The following CPSF1 variants were observed in gnomAD, a reference collection of about 807,000 sequenced individuals.
CPSF1 encodes the protein cleavage and polyadenylation specificity factor subunit 1.
Under a neutral mutation model 175.8 loss-of-function variants are expected in CPSF1, and 106 were observed. The observed-to-expected ratio is 0.60, with a 90% CI of 0.52 to 0.71. CPSF1 has a LOEUF of 0.71. CPSF1 is among the 30% of genes least tolerant of loss of function. The pLI, the probability that CPSF1 is intolerant of heterozygous loss-of-function variation, is 0.00. For missense variants in CPSF1, 1,734 were observed against 2,022.9 expected, an observed-to-expected ratio of 0.86 and a Z score of 2.74; for synonymous variants, 1,024 against 858.3, an observed-to-expected ratio of 1.19 and a Z score of -3.37.
At chr8:144,396,983 G>T (rs946479430) in intron 23 of CPSF1, 54 bp from the exon 24 acceptor site, 19 of 1,361,178 alleles carry the variant, frequency 1.4e-5, no homozygotes, top group Admixed American at 1.8e-5. Flanking sequence ...GAGAACATGG[G>T]ATGGGCCATG....
Position 144,394,984 on chromosome 8 carries a change from C to T in CPSF1, c.3312G>A (p.Lys1104=), listed in dbSNP as rs1554863120. 2 of 1,612,674 alleles carry T rather than the reference C, an allele frequency of 1.2e-6. No individual in the cohort carries two copies. The highest frequency in any genetic ancestry group is 1.1e-5 in the South Asian group (1 of 91,076). ...LQEWEHVTCM[K]TVSLRSEETV... is the part of the protein sequence containing the mutation. Reference sequence around the variant, plus strand: ...TCTCCTCACTGCGCAGAGACACTGTCTTCATGCAGGTCACATGCTCCCACT... The same window carrying T: ...TCTCCTCACTGCGCAGAGACACTGTTTTCATGCAGGTCACATGCTCCCACT... Residue 1104 remains lysine, a synonymous_variant, in exon 30 of 38, where the codon AAG becomes AAA. Coordinates refer to ENST00000616140, the MANE Select transcript of CPSF1 (RefSeq NM_013291.3).
chr8:144,393,834 G>A (rs561854368), intron 35 of CPSF1, 38 bp from the exon 36 acceptor site: 1 of 1,600,658 alleles, frequency 6.2e-7, no homozygotes, highest in Middle Eastern at 1.7e-4. Context: ...TGTGAGCCAG[G>A]CCAACCCTAG....
chr8:144,401,511 A>G lies in CPSF1; in HGVS notation c.225T>C (p.Phe75=). The change falls in exon 4 of 38, where the codon TTT becomes TTC. Residue 75 remains phenylalanine, a synonymous_variant. Coordinates refer to ENST00000616140, the MANE Select transcript of CPSF1 (RefSeq NM_013291.3). ...CGCTGGCCATGGACATGACGTTGCC[A>G]AAGAAGGAGAAGGAGGCAGCAAGCT... ...KLELAASFSF[F]GNVMSMASVQ... is the part of the protein sequence containing the mutation. The G allele has an allele frequency of 6.2e-7, 1 of 1,613,990 alleles. No individual in the cohort carries two copies. Among genetic ancestry groups the G allele is most frequent in the Admixed American group, 1.7e-5 (1 of 60,012 alleles).
At position 144,399,227 on chromosome 8, in the gene CPSF1, C is replaced by A. The variant is rs2116860588; in HGVS notation, c.1393-25G>T. The A allele has an allele frequency of 2.5e-6, 4 of 1,611,286 alleles. No homozygotes were observed. The highest frequency in any genetic ancestry group is 1.7e-5 in the Admixed American group (1 of 59,838). The stretch of plus-strand genomic sequence containing the variant: ...CCTGCGGCACAGCAAGAGTCAGGGG[C>A]CCGCTGGGGGCGCTGGCTGGGACGG... On this transcript the variant is annotated intron_variant, in intron 14 of 37. Transcript: ENST00000616140. This position sits in a 1 kb window ranked among gnomAD's most constrained non-coding sequence, Gnocchi z 6.4.
chr8:144,400,135 G>GCCCCCCCCCCCCCCCCCCCCCCCCCCC, intron 9 of CPSF1, 31 bp downstream of exon 9: 54 of 896,738 alleles, frequency 6.0e-5, no homozygotes, highest in Middle Eastern at 3.7e-4. Context: ...CCGTCCCCGG[G>GCCCCCCCCCCCCCCCCCCCCCCCCCCC]CCCCCCCCGC....
At position 144,394,971 on chromosome 8, in the gene CPSF1, G is replaced by A. The variant is rs1361970135; in HGVS notation, c.3325C>T (p.Arg1109Cys). The change falls in exon 30 of 38, where the codon CGC (arginine) becomes TGC (cysteine). Residue 1109 changes from arginine to cysteine, a missense_variant. Arg to Cys is a radical substitution (Grantham distance 180). This residue lies in a region of CPSF1 where 585 missense variants were observed against 584.7 expected (regional missense o/e 1.00). Transcript: ENST00000616140. ...HVTCMKTVSLRSEETVSGLKG... is the reference protein window; with the variant it reads ...HVTCMKTVSLCSEETVSGLKG... The stretch of plus-strand genomic sequence containing the variant: ...AGGCCCGACACGGTCTCCTCACTGC[G>A]CAGAGACACTGTCTTCATGCAGGTC... The A allele has an allele frequency of 4.3e-6, 7 of 1,612,774 alleles. No homozygotes were observed. The highest frequency in any genetic ancestry group is 5.9e-6 in the Non-Finnish European group (7 of 1,179,880).
intron 2 of CPSF1, among the ~76,000 whole-genome samples, chr8:144,406,910 CAG>C (rs1161862942): frequency 6.6e-6 from 1 of 152,152 alleles, no homozygotes; most frequent in Non-Finnish European, 1.5e-5. Context: ...AGAAGGTTAA[CAG>C]TGTATTACTA....
chr8:144,394,716 C>T lies in CPSF1; in HGVS notation c.3495G>A (p.Glu1165=). The change falls in exon 31 of 38, where the codon GAG becomes GAA. Residue 1165 remains glutamate (E), a synonymous_variant. Transcript: ENST00000616140. ...LTKNKFKVLY[E]KEQKGPVTAL... is the part of the protein sequence containing the mutation. ...CGGTCACGGGCCCCTTCTGCTCCTT[C>T]TCGTAAAGGACTTTGAACTTGTTCT... 6.2e-7 allele frequency: 1 copy of T among 1,613,464 alleles called. No individual in the cohort carries two copies. The highest frequency in any genetic ancestry group is 8.5e-7 in the Non-Finnish European group (1 of 1,179,924).
intron 2 of CPSF1, among the ~76,000 whole-genome samples, chr8:144,404,491 G>A (rs1413319567): frequency 2.7e-5 from 4 of 150,358 alleles, no homozygotes; most frequent in Admixed American, 6.6e-5. Flanking sequence ...TCAGCTTACC[G>A]AGTAGCTGGG....
At position 144,399,003 on chromosome 8, in the gene CPSF1, C is replaced by T; in HGVS notation, c.1503G>A (p.Val501=). 1 of 1,611,506 alleles carries T rather than the reference C, an allele frequency of 6.2e-7. No individual in the cohort carries two copies. Among genetic ancestry groups the T allele is most frequent in the Non-Finnish European group, 8.5e-7 (1 of 1,179,402 alleles). Residue 501 remains valine (V), a synonymous_variant, in exon 16 of 38, where the codon GTG becomes GTA. Transcript: ENST00000616140. The surrounding 1 kb of genome is among the most constrained non-coding windows in gnomAD (Gnocchi z 6.4). ...QNSPEPDLEI[V]VCSGHGKNGA... The stretch of plus-strand genomic sequence containing the variant: ...CGTTCTTCCCGTGGCCGGAGCAAAC[C>T]ACAATCTCCAGGTCCGGCTCGGGGC...
At position 144,397,789 on chromosome 8, in the gene CPSF1, CGA is replaced by C; in HGVS notation, c.2162_2163del (p.Leu721ArgfsTer16). ...ESRLGGARDE[L>X]GGRSGPEAEG... is the part of the protein sequence containing the mutation. ...TCGGCCTCCGGGCCACTGCGGCCCCCGAGCTCGTCACGGGCCCCACCCAGGCG... is the reference window on the plus strand; with the variant it reads ...TCGGCCTCCGGGCCACTGCGGCCCCCGCTCGTCACGGGCCCCACCCAGGCG... On this transcript the variant is annotated frameshift_variant, in exon 21 of 38. Coordinates refer to ENST00000616140, the MANE Select transcript of CPSF1 (RefSeq NM_013291.3). LOFTEE classifies it high-confidence loss of function. 1.2e-6 allele frequency: 2 copies of C among 1,608,686 alleles called. No homozygotes were observed. Among genetic ancestry groups the C allele is most frequent in the Non-Finnish European group, 1.7e-6 (2 of 1,178,408 alleles).
chr8:144,399,166 T>C lies in CPSF1; in HGVS notation c.1429A>G (p.Asn477Asp). 6.2e-7 allele frequency: 1 copy of C among 1,603,100 alleles called. No individual in the cohort carries two copies. The change falls in exon 15 of 38, where the codon AAT becomes GAT. Residue 477 changes from asparagine to aspartate, a missense_variant. Physicochemically the swap from Asn to Asp is conservative, Grantham distance 23 (BLOSUM62 1). Around this residue, in one of 10 missense-constraint regions of CPSF1, gnomAD observed 280 missense variants for 349.2 expected, o/e 0.80. Transcript: ENST00000616140. This position sits in a 1 kb window ranked among gnomAD's most constrained non-coding sequence, Gnocchi z 6.4. ...AAGGCAGGCTCGCCCACGGCGGCAT[T>C]GGCACAGGGTCCAATGTTCAGGATG... ...DSILNIGPCA[N>D]AAVGEPAFLS...
At position 144,395,138 on chromosome 8, in the gene CPSF1, G is replaced by A; in HGVS notation, c.3232C>T (p.Leu1078Phe). 6.2e-7 allele frequency: 1 copy of A among 1,612,556 alleles called. No individual in the cohort carries two copies. Among genetic ancestry groups the A allele is most frequent in the Non-Finnish European group, 8.5e-7 (1 of 1,179,550 alleles). Residue 1078 changes from leucine to phenylalanine, a missense_variant, in exon 29 of 38, where the codon CTC (leucine) becomes TTC (phenylalanine). Transcript: ENST00000616140. ...GCCTCCCAGCTGACCGGGGAGATGA[G>A]CTGGATGGAGAAGGCCTCCTGCTGG... ...HPQQEAFSIQ[L>F]ISPVSWEAIP...
intron 2 of CPSF1, among the ~76,000 whole-genome samples, chr8:144,402,306 GTT>G (rs1174066473): frequency 6.6e-6 from 1 of 150,470 alleles, no homozygotes; most frequent in Non-Finnish European, 1.5e-5. Flanking sequence ...GTTTTTTTTT[GTT>G]TTTTGTTTTT....
At chr8:144,395,595 G>T in intron 26 of CPSF1, 44 bp from the exon 27 acceptor site, 1 of 1,507,194 alleles carries the variant, frequency 6.6e-7, no homozygotes, top group South Asian at 1.2e-5. Flanking sequence ...GGCTAGCCAA[G>T]GGCAGGGGCA....
At chr8:144,408,063 T>C (rs1488108061) in intron 2 of CPSF1, among the ~76,000 whole-genome samples, 1 of 152,148 alleles carries the variant, frequency 6.6e-6, no homozygotes, top group African/African-American at 2.4e-5. Flanking sequence ...CCGGGGTAGG[T>C]GCCCAGGAGG....
At position 144,399,052 on chromosome 8, in the gene CPSF1, G is replaced by C; in HGVS notation, c.1468-14C>G. On this transcript the variant is annotated splice_polypyrimidine_tract_variant and intron_variant, in intron 15 of 37. Coordinates refer to ENST00000616140, the MANE Select transcript of CPSF1 (RefSeq NM_013291.3). The surrounding 1 kb of genome is among the most constrained non-coding windows in gnomAD (Gnocchi z 6.4). Reference sequence around the variant, plus strand: ...GCTGTTCTGAAACTGCACAGGACTCGGGGGTGAGGACTATGCCCCCCACCC... The same window carrying C: ...GCTGTTCTGAAACTGCACAGGACTCCGGGGTGAGGACTATGCCCCCCACCC... The C allele has an allele frequency of 1.3e-6, 2 of 1,571,900 alleles. No homozygotes were observed. Among genetic ancestry groups the C allele is most frequent in the Non-Finnish European group, 1.7e-6 (2 of 1,159,092 alleles).
At chr8:144,403,069 ACTC>A (rs1814857189) in intron 2 of CPSF1, among the ~76,000 whole-genome samples, 1 of 151,158 alleles carries the variant, frequency 6.6e-6, no homozygotes, top group Non-Finnish European at 1.5e-5. Flanking sequence ...CGTGATAAAA[ACTC>A]CTAGTAAAGC....
Position 144,409,135 on chromosome 8 carries a change from C to T in CPSF1, c.24G>A (p.Ala8=). 1.2e-6 allele frequency: 2 copies of T among 1,612,348 alleles called. No individual in the cohort carries two copies. Among genetic ancestry groups the T allele is most frequent in the East Asian group, 2.2e-5 (1 of 44,696 alleles). Residue 8 remains alanine, a synonymous_variant, in exon 2 of 38, where the codon GCG becomes GCA. Transcript: ENST00000616140. MYAVYKQ[A]HPPTGLEFSM... is the part of the protein sequence containing the mutation. ...AGAACTCCAGACCGGTGGGCGGATG[C>T]GCCTGTTTGTACACGGCGTACATGG...
Sources: gnomAD v4.1 joint callset for allele counts (sites outside exome capture counted in the v4.1 genomes callset) on GRCh38, gnomAD v4.1.1 for gene constraint, gnomAD v4.1.1 regional missense constraint, Gnocchi (gnomAD v3.1) non-coding constraint, MANE v1.5 for transcripts, NCBI Gene and HGNC (gene_info 2026-07-23, HGNC 2026-07-21) for gene names.